AGAP1: variants seen among roughly 807,000 people sequenced by gnomAD.
AGAP1 encodes arf-GAP with GTPase, ANK repeat and PH domain-containing protein 1.
In AGAP1, 29 loss-of-function variants were observed where a neutral mutation model predicts 105.3. The ratio of observed to expected loss-of-function variants is 0.28; its 90% CI spans 0.21 to 0.38. AGAP1 has a LOEUF of 0.38. Ranked by LOEUF, AGAP1 falls within the 10% of genes least tolerant of loss-of-function variation. The pLI is 1.00. For missense variants in AGAP1, 998 were observed against 1,165.1 expected (o/e 0.86, Z 2.09); for synonymous variants, 509 against 485.9 (o/e 1.05, Z -0.63).
In AGAP1 at chr2:235,728,034, A is replaced by G. The variant is rs1951737065; in HGVS notation, c.310+10390A>G. 6.6e-6 allele frequency among the ~76,000 whole-genome samples: 1 copy of G among 152,172 alleles called. No homozygotes were observed. Among genetic ancestry groups the G allele is most frequent in the Non-Finnish European group, 1.5e-5 (1 of 68,046 alleles). Reference sequence around the variant, plus strand: ...TGCCTCTCGCAACTCCCCAAAGAAAATGCTGCGTCCTTGTAAGACCGTGTC... The same window carrying G: ...TGCCTCTCGCAACTCCCCAAAGAAAGTGCTGCGTCCTTGTAAGACCGTGTC... On this transcript the variant is annotated intron_variant, in intron 3 of 17. Transcript: ENST00000304032. This position sits in a 1 kb window ranked among gnomAD's most constrained non-coding sequence, Gnocchi z 4.3.
chr2:235,794,102 A>T (rs1401926824), intron 6 of AGAP1, among the ~76,000 whole-genome samples: 5 of 152,150 alleles, frequency 3.3e-5, no homozygotes, highest in Non-Finnish European at 7.4e-5. Context: ...CTGCTCCCTG[A>T]AGATGGGCAC....
At chr2:235,616,793 C>T (rs1400093236) in intron 1 of AGAP1, among the ~76,000 whole-genome samples, 1 of 152,180 alleles carries the variant, frequency 6.6e-6, no homozygotes. Context: ...AAACAAAATT[C>T]TGAACGTATG....
chr2:235,935,482 G>A (rs773087682), intron 12 of AGAP1, among the ~76,000 whole-genome samples: 27 of 152,132 alleles, frequency 1.8e-4, no homozygotes, highest in Non-Finnish European at 2.2e-4. Context: ...ATAAAAACTG[G>A]TGGCTGTAAA....
chr2:236,075,672 G>A (rs1240115316), intron 16 of AGAP1, among the ~76,000 whole-genome samples: 1 of 152,164 alleles, frequency 6.6e-6, no homozygotes, highest in East Asian at 1.9e-4. Context: ...CTCCTCCGCT[G>A]CTTTGAGGAG....
chr2:235,736,269 T>C lies in AGAP1; in HGVS notation c.311-4694T>C, dbSNP rs115933044. ...TCCCACGGAGCTCGCCTAGCACCTG[T>C]TCACAGGTGTGCCTGGGCCAGATGC... On this transcript the variant is annotated intron_variant, in intron 3 of 17. Coordinates refer to ENST00000304032, the MANE Select transcript of AGAP1 (RefSeq NM_001037131.3). The surrounding 1 kb of genome is among the most constrained non-coding windows in gnomAD (Gnocchi z 5.5). 0.018 allele frequency among the ~76,000 whole-genome samples: 2,673 copies of C among 152,182 alleles called. 37 individuals are homozygous for C. The highest frequency in any genetic ancestry group is 0.041 in the Middle Eastern group (12 of 294).
intron 16 of AGAP1, among the ~76,000 whole-genome samples, chr2:236,072,087 C>T (rs2058510785): frequency 6.7e-6 from 1 of 148,978 alleles, no homozygotes; most frequent in East Asian, 2.0e-4. Flanking sequence ...GCTTTTGTCT[C>T]TCCTGTCTGT....
chr2:235,683,427 A>C (rs1198284051), intron 1 of AGAP1, among the ~76,000 whole-genome samples: 2 of 151,890 alleles, frequency 1.3e-5, no homozygotes, highest in Non-Finnish European at 2.9e-5. Flanking sequence ...ATATTGATAT[A>C]ATGCCATCTA....
In AGAP1 at chr2:236,120,575, T is replaced by C; in HGVS notation, c.2370+128T>C. 1 of 1,477,290 alleles carries C rather than the reference T, an allele frequency of 6.8e-7. No homozygotes were observed. The highest frequency in any genetic ancestry group is 9.0e-7 in the Non-Finnish European group (1 of 1,110,340). The allele number at this position is 1,477,290 out of a possible 1,614,324, so 91.5% of individuals were successfully genotyped here. On this transcript the variant is annotated intron_variant, in intron 17 of 17. Coordinates refer to ENST00000304032, the MANE Select transcript of AGAP1 (RefSeq NM_001037131.3). This position sits in a 1 kb window ranked among gnomAD's most constrained non-coding sequence, Gnocchi z 6.0. ...ATCTGCAAGTGGAAACAGTTCCTAATGGGAAACTCTGATTGAAGAGCAGAG... is the reference window on the plus strand; with the variant it reads ...ATCTGCAAGTGGAAACAGTTCCTAACGGGAAACTCTGATTGAAGAGCAGAG...
At chr2:235,822,707 C>T (rs1182626304) in intron 9 of AGAP1, among the ~76,000 whole-genome samples, 5 of 152,030 alleles carry the variant, frequency 3.3e-5, no homozygotes, top group Non-Finnish European at 7.4e-5. Context: ...GCTGAAGAAG[C>T]TCAGTGGTGA....
chr2:235,816,437 CAAA>C lies in AGAP1; in HGVS notation c.1050+9124_1050+9126del, dbSNP rs79795818. On this transcript the variant is annotated intron_variant, in intron 9 of 17. Transcript: ENST00000304032. ...TGGGTGGCAGAGCGAGACTCCGTCT[CAAA>C]AAAAAAAAAAAAAAAAAGGAAAGAA... Among the ~76,000 whole-genome samples, 290 of 97,892 alleles carry C rather than the reference CAAA, an allele frequency of 3.0e-3. 1 individual carries two copies. The highest frequency in any genetic ancestry group is 0.019 in the Middle Eastern group (3 of 156). 64.2% of individuals were successfully genotyped at this position (97,892 alleles called of 152,430 possible). A position where few individuals can be genotyped will look rare whatever the true frequency, so the allele number is the denominator to read the frequency against.
chr2:235,777,975 CCCTCACCCTCTG>C lies in AGAP1; in HGVS notation c.674-19778_674-19767del, dbSNP rs1156423122. Among the ~76,000 whole-genome samples the C allele has an allele frequency of 6.6e-6, 1 of 152,138 alleles. No individual in the cohort carries two copies. Among genetic ancestry groups the C allele is most frequent in the Non-Finnish European group, 1.5e-5 (1 of 68,034 alleles). On this transcript the variant is annotated intron_variant, in intron 6 of 17. Transcript: ENST00000304032. This position sits in a 1 kb window ranked among gnomAD's most constrained non-coding sequence, Gnocchi z 5.1. ...TCCTGGCTCTGCCCTGAGCCCGCTG[CCCTCACCCTCTG>C]CCTCAGACCTGGGCGATCTCATATC...
In AGAP1 at chr2:235,883,295, CT is replaced by C. The variant is rs752614477; in HGVS notation, c.1051-42del. The stretch of plus-strand genomic sequence containing the variant: ...TATGTTGCCTGTGTACCTGCCTTTT[CT>C]TTTTTTTATTTACATTAGAATTTCT... On this transcript the variant is annotated intron_variant, in intron 9 of 17. Transcript: ENST00000304032. The surrounding 1 kb of genome is among the most constrained non-coding windows in gnomAD (Gnocchi z 4.5). 9 of 1,561,100 alleles carry C rather than the reference CT, an allele frequency of 5.8e-6. No individual in the cohort carries two copies. Among genetic ancestry groups the C allele is most frequent in the Admixed American group, 1.7e-5 (1 of 58,296 alleles).
chr2:235,681,649 C>T (rs1480184999), intron 1 of AGAP1, among the ~76,000 whole-genome samples: 2 of 152,160 alleles, frequency 1.3e-5, no homozygotes, highest in Non-Finnish European at 2.9e-5. Context: ...AAATATAATA[C>T]AGTTTTAATT....
rs1952810648 is a variant in AGAP1 at position 235,744,926 on chromosome 2, A to G, written c.538+87A>G. 2 of 1,511,888 alleles carry G rather than the reference A, an allele frequency of 1.3e-6. No homozygotes were observed. The highest frequency in any genetic ancestry group is 1.8e-6 in the Non-Finnish European group (2 of 1,121,292). The allele number at this position is 1,511,888 out of a possible 1,614,324, so 93.7% of individuals were successfully genotyped here. ...TGGAGGAGTTTAAAAAATGCTTTAA[A>G]GAAGGAAAAATTGCCTACTGAACGC... On this transcript the variant is annotated intron_variant, in intron 5 of 17. Transcript: ENST00000304032. This position sits in a 1 kb window ranked among gnomAD's most constrained non-coding sequence, Gnocchi z 5.2.
At chr2:235,999,992 G>C (rs1268617213) in intron 13 of AGAP1, among the ~76,000 whole-genome samples, 1 of 152,084 alleles carries the variant, frequency 6.6e-6, no homozygotes, top group African/African-American at 2.4e-5. Context: ...CATTGATCCT[G>C]CTTCTAATGA....
At position 235,721,593 on chromosome 2, in the gene AGAP1, T is replaced by A. The variant is rs1951388558; in HGVS notation, c.310+3949T>A. On this transcript the variant is annotated intron_variant, in intron 3 of 17. Transcript: ENST00000304032. The surrounding 1 kb of genome is among the most constrained non-coding windows in gnomAD (Gnocchi z 4.5). ...CACACAGTGTGGCTTAAAACAGAAATGTATTCTCATAGTTCTCAGAAGTCT... is the reference window on the plus strand; with the variant it reads ...CACACAGTGTGGCTTAAAACAGAAAAGTATTCTCATAGTTCTCAGAAGTCT... Among the ~76,000 whole-genome samples, 1 of 152,168 alleles carries A rather than the reference T, an allele frequency of 6.6e-6. No individual in the cohort carries two copies. Among genetic ancestry groups the A allele is most frequent in the South Asian group, 2.1e-4 (1 of 4,832 alleles).
At chr2:235,829,258 G>A (rs1273390015) in intron 9 of AGAP1, among the ~76,000 whole-genome samples, 1 of 152,242 alleles carries the variant, frequency 6.6e-6, no homozygotes, top group Non-Finnish European at 1.5e-5. Context: ...GAGAGAGAGA[G>A]AGAGCTGGAC....
rs747309320 is a variant in AGAP1, at chr2:236,123,211, C to G, written c.2371-708C>G. ...ACCTCAGCCTCCTGCATAGCTGGGA[C>G]CACAGGCATATGCCACGTGCCCAGC... On this transcript the variant is annotated intron_variant, in intron 17 of 17. Transcript: ENST00000304032. This position sits in a 1 kb window ranked among gnomAD's most constrained non-coding sequence, Gnocchi z 4.6. Among the ~76,000 whole-genome samples, 1 of 152,114 alleles carries G rather than the reference C, an allele frequency of 6.6e-6. No individual in the cohort carries two copies. Among genetic ancestry groups the G allele is most frequent in the Non-Finnish European group, 1.5e-5 (1 of 68,032 alleles).
chr2:235,508,406 C>T (rs968361391), intron 1 of AGAP1, among the ~76,000 whole-genome samples: 9 of 152,188 alleles, frequency 5.9e-5, no homozygotes, highest in African/African-American at 2.2e-4. Flanking sequence ...GAATTCTCTC[C>T]GCAGTTCGCA....
Sources: allele counts gnomAD v4.1 joint callset (sites outside exome capture counted in the v4.1 genomes callset), GRCh38; gene constraint gnomAD v4.1.1; non-coding constraint Gnocchi (gnomAD v3.1); transcripts MANE v1.5; gene names NCBI Gene and HGNC (gene_info 2026-07-23, HGNC 2026-07-21).